SHISA9: variants seen among roughly 807,000 people sequenced by gnomAD.
SHISA9 encodes the protein shisa family member 9, also known as protein shisa-9.
A neutral mutation model predicts 38.0 loss-of-function variants in SHISA9; 13 were observed. The observed-to-expected ratio is 0.34, with a 90% CI of 0.22 to 0.54. The LOEUF (loss-of-function observed/expected upper bound fraction) is 0.54. Among genes scored for constraint, SHISA9 ranks in the 20% least tolerant of loss-of-function variants. SHISA9 has a pLI of 0.91. For synonymous variants in SHISA9, 275 were observed against 242.0 expected (o/e 1.14, Z -1.27); for missense variants, 538 against 575.8 (o/e 0.93, Z 0.67).
At chr16:13,322,405 C>T in the SHISA9 span, among the ~76,000 whole-genome samples, 1 of 152,216 alleles carries the variant, frequency 6.6e-6, no homozygotes, top group Non-Finnish European at 1.5e-5. Flanking sequence ...ATCCTTTCCT[C>T]TCTTATCAGT....
intron 2 of SHISA9, among the ~76,000 whole-genome samples, chr16:12,942,558 A>G (rs2071625295): frequency 6.6e-6 from 1 of 152,230 alleles, no homozygotes; most frequent in Non-Finnish European, 1.5e-5. Flanking sequence ...AGCATCCTCC[A>G]TATCTCCCAG....
At chr16:12,953,196 CA>C (rs1177992016) in intron 2 of SHISA9, among the ~76,000 whole-genome samples, 5 of 146,496 alleles carry the variant, frequency 3.4e-5, no homozygotes, top group African/African-American at 5.0e-5. Flanking sequence ...AAAAGAAAAA[CA>C]AAAAAACCCC....
chr16:13,187,823 G>A (rs777143853), intron 2 of SHISA9, among the ~76,000 whole-genome samples: 3 of 152,134 alleles, frequency 2.0e-5, no homozygotes, highest in Non-Finnish European at 4.4e-5. Flanking sequence ...CAAGGTTGTC[G>A]ACAAAGTAGC....
chr16:13,008,643 C>T (rs2072628985), intron 2 of SHISA9, among the ~76,000 whole-genome samples: 2 of 61,902 alleles, frequency 3.2e-5, no homozygotes, highest in South Asian at 5.3e-4. Context: ...TCCTCCCTCC[C>T]TCCCTCCCTC....
the SHISA9 span, among the ~76,000 whole-genome samples, chr16:13,477,184 T>C: frequency 6.6e-6 from 1 of 152,210 alleles, no homozygotes; most frequent in Non-Finnish European, 1.5e-5. Flanking sequence ...TAGATCTCCC[T>C]GTCTACAAGG....
the SHISA9 span, among the ~76,000 whole-genome samples, chr16:13,423,688 T>C: frequency 4.9e-4 from 74 of 152,304 alleles, no homozygotes; most frequent in African/African-American, 1.7e-3. Context: ...TCTGCTCAGG[T>C]CTTACAAGGC....
chr16:13,356,517 G>A, the SHISA9 span, among the ~76,000 whole-genome samples: 4 of 152,110 alleles, frequency 2.6e-5, no homozygotes, highest in Admixed American at 6.5e-5. Context: ...GAACGAAACG[G>A]TAAGCCAGAC....
At chr16:13,328,591 TACACACACACACACACACACACAC>T in the SHISA9 span, among the ~76,000 whole-genome samples, 1 of 139,874 alleles carries the variant, frequency 7.1e-6, no homozygotes, top group Non-Finnish European at 1.5e-5. Context: ...TATATGTGTA[TACACACACACACACACACACACAC>T]ACACACACAC....
downstream of SHISA9, among the ~76,000 whole-genome samples, chr16:13,243,356 T>C (rs2051449026): frequency 6.6e-6 from 1 of 152,172 alleles, no homozygotes; most frequent in African/African-American, 2.4e-5. Context: ...TACCTTGGTT[T>C]TATACATTTT....
At chr16:13,267,274 TG>T in the SHISA9 span, among the ~76,000 whole-genome samples, 1 of 152,186 alleles carries the variant, frequency 6.6e-6, no homozygotes, top group South Asian at 2.1e-4. Context: ...GGAATCAAAA[TG>T]GCTTTAAAAA....
rs568414260 is a variant in SHISA9 at position 13,122,136 on chromosome 16, C to T, written c.692-81258C>T. Among the ~76,000 whole-genome samples the T allele has an allele frequency of 5.9e-5, 9 of 152,264 alleles. No homozygotes were observed. In the South Asian group the frequency reaches 1.9e-3, roughly 32 times the overall value. ...GCACATGCCTTGCCCATAGTAGGGGCTCAATGCTTTTGTTGAAGAAGTAAA... is the reference window on the plus strand; with the variant it reads ...GCACATGCCTTGCCCATAGTAGGGGTTCAATGCTTTTGTTGAAGAAGTAAA... On this transcript the variant is annotated intron_variant, in intron 2 of 4. Transcript: ENST00000558583.
At chr16:13,485,404 G>T in the SHISA9 span, among the ~76,000 whole-genome samples, 1 of 152,154 alleles carries the variant, frequency 6.6e-6, no homozygotes, top group Non-Finnish European at 1.5e-5. Context: ...GTATTCCACG[G>T]TGTATATATG....
At chr16:13,362,194 T>G in the SHISA9 span, among the ~76,000 whole-genome samples, 3 of 140,422 alleles carry the variant, frequency 2.1e-5, no homozygotes, top group Non-Finnish European at 4.5e-5. Flanking sequence ...CAAGACCTTG[T>G]CTCTACTAAG....
At chr16:13,222,871 T>A (rs1436097545) in intron 4 of SHISA9, among the ~76,000 whole-genome samples, 2 of 152,056 alleles carry the variant, frequency 1.3e-5, no homozygotes, top group Non-Finnish European at 2.9e-5. Context: ...CCTAATTTTA[T>A]AATCTTTATA....
At chr16:13,272,920 T>C in the SHISA9 span, among the ~76,000 whole-genome samples, 1 of 152,202 alleles carries the variant, frequency 6.6e-6, no homozygotes, top group Non-Finnish European at 1.5e-5. Flanking sequence ...GACTCACTGA[T>C]ATTTTTTCTC....
intron 2 of SHISA9, among the ~76,000 whole-genome samples, chr16:13,072,965 T>C (rs557751068): frequency 1.3e-4 from 20 of 152,112 alleles, no homozygotes; most frequent in Non-Finnish European, 2.6e-4. Context: ...CTGGCCTTAT[T>C]TTATGTTTTG....
chr16:13,428,520 A>T, the SHISA9 span, among the ~76,000 whole-genome samples: 1 of 152,178 alleles, frequency 6.6e-6, no homozygotes, highest in East Asian at 1.9e-4. Flanking sequence ...AACCTTGAAG[A>T]TAGTCATAAA....
At chr16:13,296,891 C>CAAAAAAAAAAAAAAAAAAAAAAAAAAA in the SHISA9 span, among the ~76,000 whole-genome samples, 1 of 26,590 alleles carries the variant, frequency 3.8e-5, no homozygotes, top group Non-Finnish European at 6.5e-5. Flanking sequence ...AACTCCATCT[C>CAAAAAAAAAAAAAAAAAAAAAAAAAAA]AAAAAAAAAA....
chr16:13,496,486 A>G, the SHISA9 span, among the ~76,000 whole-genome samples: 1 of 152,118 alleles, frequency 6.6e-6, no homozygotes, highest in Non-Finnish European at 1.5e-5. Context: ...TTATATAAAG[A>G]GAGTTTTCAT....
Sources: gnomAD v4.1 joint callset for allele counts (sites outside exome capture counted in the v4.1 genomes callset) on GRCh38, gnomAD v4.1.1 for gene constraint, MANE v1.5 for transcripts, NCBI Gene and HGNC (gene_info 2026-07-23, HGNC 2026-07-21) for gene names.